Variants in RYR2 observed in about 807,000 individuals in gnomAD.
RYR2 encodes the protein ryanodine receptor 2.
Under a neutral mutation model 601.1 loss-of-function variants are expected in RYR2, and 227 were observed. The ratio of observed to expected loss-of-function variants is 0.38; its 90% CI spans 0.34 to 0.42. RYR2 has a LOEUF of 0.42. Ranked by LOEUF, RYR2 falls within the 10% of genes least tolerant of loss-of-function variation. The probability of loss-of-function intolerance (pLI) is 1.00; values close to 1 mark genes in which losing one functional copy is unlikely to be tolerated. For synonymous variants in RYR2, 2,223 were observed against 2,175.1 expected (o/e 1.02, Z -0.61); for missense variants, 4,646 against 6,156.5 (o/e 0.75, Z 8.21).
intron 54 of RYR2, among the ~76,000 whole-genome samples, chr1:237,659,556 G>A (rs562516616): frequency 2.0e-4 from 31 of 152,290 alleles, no homozygotes; most frequent in African/African-American, 7.2e-4. Flanking sequence ...TGCATGTTTT[G>A]TATTTACACT....
intron 1 of RYR2, among the ~76,000 whole-genome samples, chr1:237,052,117 G>A (rs1347896741): frequency 6.6e-6 from 1 of 152,178 alleles, no homozygotes; most frequent in African/African-American, 2.4e-5. Flanking sequence ...AATGCAGTGT[G>A]TGTGAACGGG....
At chr1:237,585,907 T>A (rs1397952345) in intron 29 of RYR2, among the ~76,000 whole-genome samples, 1 of 152,160 alleles carries the variant, frequency 6.6e-6, no homozygotes, top group African/African-American at 2.4e-5. Flanking sequence ...TTTTGAATAT[T>A]TGGAAAATAC....
intron 1 of RYR2, among the ~76,000 whole-genome samples, chr1:237,148,553 TACACACAC>T (rs1157417005): frequency 2.8e-5 from 3 of 105,688 alleles, no homozygotes; most frequent in East Asian, 6.0e-4. Context: ...TATATATATA[TACACACAC>T]ACATATATAT....
At chr1:237,731,278 A>G (rs993416540) in intron 77 of RYR2, among the ~76,000 whole-genome samples, 1 of 152,144 alleles carries the variant, frequency 6.6e-6, no homozygotes, top group Non-Finnish European at 1.5e-5. Context: ...ATAAAACTCA[A>G]CAAAAAGTTG....
At chr1:237,510,252 C>A (rs180728986) in intron 23 of RYR2, among the ~76,000 whole-genome samples, 1 of 152,140 alleles carries the variant, frequency 6.6e-6, no homozygotes, top group Non-Finnish European at 1.5e-5. Context: ...TTTTGGTGTT[C>A]ACGTATGGGA....
chr1:237,750,634 C>T (rs539556665), intron 80 of RYR2, among the ~76,000 whole-genome samples: 13 of 151,120 alleles, frequency 8.6e-5, no homozygotes, highest in Non-Finnish European at 1.9e-4. Flanking sequence ...ATATAGTCTT[C>T]CTGACTGGGA....
intron 1 of RYR2, among the ~76,000 whole-genome samples, chr1:237,135,320 A>G (rs1672644718): frequency 6.6e-6 from 1 of 152,042 alleles, no homozygotes; most frequent in African/African-American, 2.4e-5. Context: ...CTCCTGGGCT[A>G]CAGATTCTAA....
At chr1:237,328,828 A>G (rs1286732354) in intron 2 of RYR2, among the ~76,000 whole-genome samples, 3 of 152,232 alleles carry the variant, frequency 2.0e-5, no homozygotes, top group African/African-American at 4.8e-5. Flanking sequence ...AACTTAAAAC[A>G]GTGTAAATTG....
intron 68 of RYR2, among the ~76,000 whole-genome samples, chr1:237,707,938 A>ATTTTT (rs57642607): frequency 8.3e-6 from 1 of 120,164 alleles, no homozygotes; most frequent in African/African-American, 3.1e-5. Context: ...TGCCCAGCTA[A>ATTTTT]TTTTTTTTTT....
At chr1:237,741,849 G>A (rs1378743546) in intron 79 of RYR2, among the ~76,000 whole-genome samples, 8 of 152,030 alleles carry the variant, frequency 5.3e-5, no homozygotes, top group Non-Finnish European at 8.8e-5. Context: ...TGATCTGCCC[G>A]CTACTGCCTC....
chr1:237,393,958 T>C (rs1702603948), intron 10 of RYR2, among the ~76,000 whole-genome samples: 1 of 152,148 alleles, frequency 6.6e-6, no homozygotes, highest in African/African-American at 2.4e-5. Flanking sequence ...AGCTGTTGGA[T>C]CTTGGCAAAA....
At chr1:237,519,347 C>A (rs1365510428) in intron 24 of RYR2, among the ~76,000 whole-genome samples, 1 of 152,094 alleles carries the variant, frequency 6.6e-6, no homozygotes, top group Non-Finnish European at 1.5e-5. Context: ...GTCATAAATT[C>A]TTTGCCTAGA....
chr1:237,605,173 A>G (rs1484670418), intron 35 of RYR2, among the ~76,000 whole-genome samples: 1 of 152,226 alleles, frequency 6.6e-6, no homozygotes, highest in African/African-American at 2.4e-5. Context: ...AAAATCCTCA[A>G]TAAAATACTG....
intron 94 of RYR2, among the ~76,000 whole-genome samples, chr1:237,792,999 T>C (rs1658647971): frequency 6.6e-6 from 1 of 152,196 alleles, no homozygotes; most frequent in Admixed American, 6.5e-5. Flanking sequence ...TATAATTTGG[T>C]GAATAGAACC....
chr1:237,160,110 A>T (rs1675839921), intron 1 of RYR2, among the ~76,000 whole-genome samples: 1 of 152,246 alleles, frequency 6.6e-6, no homozygotes, highest in Non-Finnish European at 1.5e-5. Context: ...TGACAGACAC[A>T]GACTGTTATC....
chr1:237,624,131 A>G (rs1037285495), intron 39 of RYR2, among the ~76,000 whole-genome samples: 2 of 152,128 alleles, frequency 1.3e-5, no homozygotes, highest in Admixed American at 6.5e-5. Context: ...TCCTCTTTCC[A>G]TTAGTGGCAG....
intron 6 of RYR2, among the ~76,000 whole-genome samples, chr1:237,372,214 A>G (rs1700697958): frequency 6.6e-6 from 1 of 152,214 alleles, no homozygotes; most frequent in African/African-American, 2.4e-5. Flanking sequence ...GATTTTAATG[A>G]TGATTTAATA....
At chr1:237,509,145 TG>T (rs1665620583) in intron 23 of RYR2, among the ~76,000 whole-genome samples, 1 of 152,208 alleles carries the variant, frequency 6.6e-6, no homozygotes, top group African/African-American at 2.4e-5. Context: ...GAGGCAACAC[TG>T]GGCTTGATGT....
intron 1 of RYR2, among the ~76,000 whole-genome samples, chr1:237,045,379 G>C (rs900913381): frequency 6.6e-6 from 1 of 152,150 alleles, no homozygotes; most frequent in Non-Finnish European, 1.5e-5. Flanking sequence ...GTTTGTCACT[G>C]TTTAGCTTGT....
Sources: gnomAD v4.1 joint callset for allele counts (sites outside exome capture counted in the v4.1 genomes callset) on GRCh38, gnomAD v4.1.1 for gene constraint, MANE v1.5 for transcripts, NCBI Gene and HGNC (gene_info 2026-07-23, HGNC 2026-07-21) for gene names.